The following SS18 variants were observed in gnomAD, a reference collection of about 807,000 sequenced individuals.
SS18 encodes protein SSXT.
SS18 carries 28 observed loss-of-function variants against 72.5 expected under a neutral mutation model. The ratio of observed to expected loss-of-function variants is 0.39; its 90% CI spans 0.29 to 0.53. The LOEUF is 0.53. SS18 is among the 20% of genes least tolerant of loss of function. The pLI is 0.76. For missense variants in SS18, 518 were observed against 535.3 expected (o/e 0.97, Z 0.32); for synonymous variants, 172 against 164.2 (o/e 1.05, Z -0.37).
chr18:26,024,132 T>C (rs893144081), intron 10 of SS18, among the ~76,000 whole-genome samples: 20 of 152,196 alleles, frequency 1.3e-4, no homozygotes, highest in Admixed American at 5.2e-4. Context: ...TTAAATGTAC[T>C]GAATAGGCAA....
At chr18:26,047,564 G>C (rs190821374) in intron 5 of SS18, among the ~76,000 whole-genome samples, 2 of 151,930 alleles carry the variant, frequency 1.3e-5, no homozygotes, top group Admixed American at 6.6e-5. Flanking sequence ...CCAGCCGGGC[G>C]TGGTGGCTCA....
rs12965485 is a variant in SS18, at chr18:26,090,504, C to T, written c.66G>A (p.Gln22=). ...CCGCAACCCCGCGCGGTTTCACCTT[C>T]TGAATCGCAGCGGGAGTGATCTCCC... The part of the protein sequence containing the change: ...GKGEITPAAI[Q]KMLDDNNHLI... Residue 22 remains glutamine (Q), a synonymous_variant, in exon 1 of 11, where the codon CAG becomes CAA. Coordinates refer to ENST00000415083, the MANE Select transcript of SS18 (RefSeq NM_001007559.3). 1 of 1,574,466 alleles carries T rather than the reference C, an allele frequency of 6.4e-7. No homozygotes were observed. Among genetic ancestry groups the T allele is most frequent in the African/African-American group, 1.4e-5 (1 of 73,616 alleles).
At chr18:26,033,577 A>C (rs1180107018) in intron 9 of SS18, among the ~76,000 whole-genome samples, 1 of 152,084 alleles carries the variant, frequency 6.6e-6, no homozygotes, top group Admixed American at 6.6e-5. Context: ...GTAGCCATTC[A>C]AAACCTGCCA....
intron 3 of SS18, among the ~76,000 whole-genome samples, chr18:26,064,509 A>C (rs1282203278): frequency 6.6e-6 from 1 of 151,972 alleles, no homozygotes; most frequent in Non-Finnish European, 1.5e-5. Flanking sequence ...CAAATCATCA[A>C]AGTAAAATCC....
chr18:26,074,769 A>C (rs1466137131), intron 3 of SS18, among the ~76,000 whole-genome samples: 1 of 151,976 alleles, frequency 6.6e-6, no homozygotes, highest in African/African-American at 2.4e-5. Context: ...AAAAGGTTTG[A>C]AAAATGCTGC....
chr18:26,046,299 A>C (rs1304143488), intron 5 of SS18, among the ~76,000 whole-genome samples: 2 of 141,360 alleles, frequency 1.4e-5, no homozygotes, highest in Admixed American at 1.4e-4. Flanking sequence ...AATAATTTAA[A>C]AAGTAGTTCC....
intron 5 of SS18, among the ~76,000 whole-genome samples, chr18:26,045,046 A>G (rs2053796270): frequency 6.6e-6 from 1 of 152,188 alleles, no homozygotes; most frequent in Non-Finnish European, 1.5e-5. Flanking sequence ...ATACATGGTA[A>G]ATATCCCACA....
intron 2 of SS18, among the ~76,000 whole-genome samples, chr18:26,086,471 G>T (rs1485281518): frequency 6.6e-6 from 1 of 152,164 alleles, no homozygotes; most frequent in Non-Finnish European, 1.5e-5. Context: ...ATATTGAAAT[G>T]ATACTATTTT....
chr18:26,044,325 T>TA (rs1304015715), intron 5 of SS18, among the ~76,000 whole-genome samples: 1 of 143,146 alleles, frequency 7.0e-6, no homozygotes, highest in Non-Finnish European at 1.5e-5. Context: ...CATATTTTTT[T>TA]AGATTTTTTT....
chr18:26,070,061 T>C (rs1312575491), intron 3 of SS18, among the ~76,000 whole-genome samples: 1 of 152,128 alleles, frequency 6.6e-6, no homozygotes, highest in Non-Finnish European at 1.5e-5. Context: ...CAGTGTTCCT[T>C]ACTGGGGGTA....
chr18:26,036,394 A>G (rs958413748), intron 7 of SS18, among the ~76,000 whole-genome samples: 127 of 152,316 alleles, frequency 8.3e-4, no homozygotes, highest in African/African-American at 2.9e-3. Flanking sequence ...AAACTGAAAA[A>G]TTTTCAAGTT....
chr18:26,083,171 G>C (rs913598795), intron 2 of SS18, among the ~76,000 whole-genome samples: 4 of 152,096 alleles, frequency 2.6e-5, no homozygotes, highest in African/African-American at 9.7e-5. Flanking sequence ...CCCTAAGTCA[G>C]TTTAAGCCCT....
At chr18:26,089,840 GC>G (rs895096456) in intron 1 of SS18, 14 of 152,340 alleles carry the variant, frequency 9.2e-5, no homozygotes, top group African/African-American at 3.4e-4. Context: ...TAGCCTCAGC[GC>G]CTAAAATAGG....
intron 4 of SS18, among the ~76,000 whole-genome samples, chr18:26,056,734 T>C (rs1291841773): frequency 6.6e-6 from 1 of 152,240 alleles, no homozygotes; most frequent in African/African-American, 2.4e-5. Context: ...CTGCTAGTTG[T>C]ATAATGTCTT....
intron 9 of SS18, among the ~76,000 whole-genome samples, chr18:26,033,485 T>C (rs932603799): frequency 7.3e-5 from 11 of 151,006 alleles, no homozygotes. Flanking sequence ...GCACTCCAGG[T>C]TAGGCAACAA....
At chr18:26,077,958 T>A in intron 3 of SS18, 118 bp downstream of exon 3, 1 of 614,778 alleles carries the variant, frequency 1.6e-6, no homozygotes, top group Non-Finnish European at 2.7e-6. Flanking sequence ...AATACTTTCA[T>A]GTTCTCAGAG....
At chr18:26,055,814 G>C (rs2054010628) in intron 4 of SS18, among the ~76,000 whole-genome samples, 1 of 147,510 alleles carries the variant, frequency 6.8e-6, no homozygotes, top group Non-Finnish European at 1.5e-5. Context: ...CTGGGGTGCA[G>C]TGGCGTGATT....
chr18:26,053,583 A>T lies in SS18; in HGVS notation c.386-738T>A, dbSNP rs1268190802. Among the ~76,000 whole-genome samples, 10 of 150,848 alleles carry T rather than the reference A, an allele frequency of 6.6e-5. No individual in the cohort carries two copies. In the South Asian group the frequency reaches 2.1e-3, roughly 31 times the overall value. The stretch of plus-strand genomic sequence containing the variant: ...TTTATAAGATAGATCGCAGACCCAG[A>T]CCAAATTAATTACTTAACATATGAA... On this transcript the variant is annotated intron_variant, in intron 4 of 10. Coordinates refer to ENST00000415083, the MANE Select transcript of SS18 (RefSeq NM_001007559.3).
Position 26,033,583 on chromosome 18 carries a change from T to C in SS18, c.1097-1051A>G, listed in dbSNP as rs1318117781. ...TTTTCTATCGTAGCCATTCAAAACC[T>C]GCCATAAAAACACTGATTTCAGAGA... On this transcript the variant is annotated intron_variant, in intron 9 of 10. Coordinates refer to ENST00000415083, the MANE Select transcript of SS18 (RefSeq NM_001007559.3). 5.3e-5 allele frequency among the ~76,000 whole-genome samples: 8 copies of C among 151,460 alleles called. No individual in the cohort carries two copies. In the East Asian group the frequency reaches 1.4e-3, roughly 26 times the overall value.
Sources: allele counts gnomAD v4.1 joint callset (sites outside exome capture counted in the v4.1 genomes callset), GRCh38; gene constraint gnomAD v4.1.1; transcripts MANE v1.5; gene names NCBI Gene and HGNC (gene_info 2026-07-23, HGNC 2026-07-21).